The following DACH2 variants were observed in gnomAD, a reference collection of about 807,000 sequenced individuals.
DACH2 encodes dachshund homolog 2.
In DACH2, 17 loss-of-function variants were observed where a neutral mutation model predicts 35.8. That is an observed-to-expected ratio of 0.48 (90% CI 0.33 to 0.71). The LOEUF is 0.71. Ranked by LOEUF, DACH2 falls within the 30% of genes least tolerant of loss-of-function variation. The pLI is 0.02. For missense variants in DACH2, 469 were observed against 472.7 expected, an observed-to-expected ratio of 0.99 and a Z score of 0.07; for synonymous variants, 195 against 177.3, an observed-to-expected ratio of 1.10 and a Z score of -0.79.
intron 3 of DACH2, among the ~76,000 whole-genome samples, chrX:86,537,156 C>A (rs62593262): frequency 0.049 from 5,472 of 111,497 alleles, 114 homozygotes; most frequent in Middle Eastern, 0.1. Context: ...GCCAATGTTT[C>A]TAGCTTGTAC....
At chrX:86,185,390 T>G (rs1007869315) in intron 1 of DACH2, among the ~76,000 whole-genome samples, 4 of 111,775 alleles carry the variant, frequency 3.6e-5, no homozygotes, top group Non-Finnish European at 7.5e-5. Context: ...TCCAGCCCTT[T>G]ATTCCATGTA....
chrX:86,776,618 A>G (rs1468550966), intron 7 of DACH2, among the ~76,000 whole-genome samples: 1 of 111,247 alleles, frequency 9.0e-6, no homozygotes, highest in East Asian at 2.8e-4. Context: ...TTTAAGTTCT[A>G]TGGTACATGC....
chrX:86,556,768 A>G (rs909936194), intron 3 of DACH2, among the ~76,000 whole-genome samples: 19 of 20,055 alleles, frequency 9.5e-4, no homozygotes, highest in Admixed American at 5.8e-3. Context: ...ATATATATAT[A>G]TATATATATA....
chrX:86,488,011 T>C (rs1342303859), intron 2 of DACH2, among the ~76,000 whole-genome samples: 1 of 111,390 alleles, frequency 9.0e-6, no homozygotes, highest in African/African-American at 3.3e-5. Context: ...TGCAAAGTTT[T>C]GGTAGGTATT....
intron 3 of DACH2, among the ~76,000 whole-genome samples, chrX:86,574,314 C>T (rs1260829146): frequency 4.5e-5 from 5 of 111,162 alleles, no homozygotes; most frequent in Admixed American, 1.9e-4. Flanking sequence ...CAATCTCTCT[C>T]GGTTGACCTA....
intron 3 of DACH2, among the ~76,000 whole-genome samples, chrX:86,590,147 C>T (rs190264809): frequency 1.2e-3 from 135 of 111,790 alleles, no homozygotes; most frequent in African/African-American, 4.1e-3. Context: ...CTGCTAGTAC[C>T]TTGGAAGAGG....
intron 3 of DACH2, among the ~76,000 whole-genome samples, chrX:86,519,088 G>C (rs766888609): frequency 1.8e-5 from 2 of 111,828 alleles, no homozygotes; most frequent in African/African-American, 3.3e-5. Context: ...CTAGTTTATT[G>C]AGGGTTTTTA....
chrX:86,334,984 C>G (rs889830870), intron 1 of DACH2, among the ~76,000 whole-genome samples: 1 of 112,090 alleles, frequency 8.9e-6, no homozygotes, highest in Non-Finnish European at 1.9e-5. Context: ...TATGGCTAGC[C>G]AGTTTTCCCA....
chrX:86,633,411 C>A (rs2040225834), intron 3 of DACH2, among the ~76,000 whole-genome samples: 1 of 111,097 alleles, frequency 9.0e-6, no homozygotes, highest in South Asian at 3.8e-4. Context: ...GGAAGAAATG[C>A]TGGACAGACC....
chrX:86,312,548 A>G (rs1207030904), intron 1 of DACH2, among the ~76,000 whole-genome samples: 3 of 111,521 alleles, frequency 2.7e-5, no homozygotes, highest in African/African-American at 9.8e-5. Context: ...CCCAAAAGTG[A>G]TTAATATTTG....
chrX:86,417,480 A>C (rs1217504711), intron 2 of DACH2, among the ~76,000 whole-genome samples: 1 of 108,712 alleles, frequency 9.2e-6, no homozygotes, highest in Non-Finnish European at 1.9e-5. Context: ...AGCAAGTCAC[A>C]TCCTACATGG....
rs771290770 is a variant in DACH2, at chrX:86,437,432, T to C, written c.527+60570T>C. Among the ~76,000 whole-genome samples, 5 of 111,764 alleles carry C rather than the reference T, an allele frequency of 4.5e-5. No individual in the cohort carries two copies. In the East Asian group the frequency reaches 1.4e-3, roughly 31 times the overall value. On this transcript the variant is annotated intron_variant, in intron 2 of 11. Transcript: ENST00000373125. ...CCATTGACCAACTTCTATCCATTCC[T>C]CCTACCCACCCACTGAACCTTCCTA...
chrX:86,624,060 C>CAAAAAAAAAAAAAAA (rs34140706), intron 3 of DACH2, among the ~76,000 whole-genome samples: 40 of 35,607 alleles, frequency 1.1e-3, no homozygotes, highest in Admixed American at 3.9e-3. Flanking sequence ...AAAAACAAAA[C>CAAAAAAAAAAAAAAA]AAAAAAAAAA....
intron 1 of DACH2, among the ~76,000 whole-genome samples, chrX:86,181,186 A>ATCTC (rs942233670): frequency 9.1e-6 from 1 of 109,483 alleles, no homozygotes; most frequent in Admixed American, 9.9e-5. Context: ...CTATCTATCT[A>ATCTC]TCTATTTTTC....
chrX:86,598,703 C>T (rs1015640572), intron 3 of DACH2, among the ~76,000 whole-genome samples: 1 of 110,397 alleles, frequency 9.1e-6, no homozygotes, highest in Non-Finnish European at 1.9e-5. Context: ...CATCTAAAAT[C>T]TCCATTGTAT....
At chrX:86,804,118 C>T (rs1391265276) in intron 7 of DACH2, among the ~76,000 whole-genome samples, 1 of 111,844 alleles carries the variant, frequency 8.9e-6, no homozygotes, top group African/African-American at 3.3e-5. Context: ...ATTGCTATAA[C>T]AAAACACCAG....
chrX:86,231,678 G>A (rs979487237), intron 1 of DACH2, among the ~76,000 whole-genome samples: 45 of 112,360 alleles, frequency 4.0e-4, no homozygotes, highest in African/African-American at 1.5e-3. Context: ...AGCTGTGAGA[G>A]AAAAGGGCTT....
intron 3 of DACH2, among the ~76,000 whole-genome samples, chrX:86,571,693 C>T (rs1452280392): frequency 2.5e-5 from 2 of 79,973 alleles, no homozygotes; most frequent in African/African-American, 1.2e-4. Context: ...GTCTTGAAAT[C>T]GGGTAACGCA....
chrX:86,606,554 C>G (rs185201215), intron 3 of DACH2, among the ~76,000 whole-genome samples: 28 of 111,176 alleles, frequency 2.5e-4, no homozygotes, highest in African/African-American at 9.1e-4. Context: ...AGAGAAGATA[C>G]TTGATATTAT....
Sources: allele counts gnomAD v4.1 joint callset (sites outside exome capture counted in the v4.1 genomes callset), GRCh38; gene constraint gnomAD v4.1.1; transcripts MANE v1.5; gene names NCBI Gene and HGNC (gene_info 2026-07-23, HGNC 2026-07-21).